The following NFAT5 variants were observed in gnomAD, a reference collection of about 807,000 sequenced individuals.
NFAT5 encodes nuclear factor of activated T-cells 5.
Under a neutral mutation model 166.5 loss-of-function variants are expected in NFAT5, and 31 were observed. That is an observed-to-expected ratio of 0.19 (90% CI 0.14 to 0.25). The LOEUF (loss-of-function observed/expected upper bound fraction) is 0.25, where lower values mean the gene tolerates loss of function less well. Among genes scored for constraint, NFAT5 ranks in the 10% least tolerant of loss-of-function variants. The probability of loss-of-function intolerance (pLI) is 1.00; values close to 1 mark genes in which losing one functional copy is unlikely to be tolerated. For missense variants in NFAT5, 1,449 were observed against 1,821.8 expected (o/e 0.80, Z 3.72); for synonymous variants, 612 against 639.7 (o/e 0.96, Z 0.65).
At chr16:69,599,881 T>C (rs913777090) in intron 2 of NFAT5, among the ~76,000 whole-genome samples, 2 of 152,072 alleles carry the variant, frequency 1.3e-5, no homozygotes, top group African/African-American at 4.8e-5. Flanking sequence ...GAGAGAGATA[T>C]TAAGGTGCTA....
At chr16:69,694,308 G>C in intron 13 of NFAT5, 69 bp downstream of exon 13, 5 of 1,244,254 alleles carry the variant, frequency 4.0e-6, no homozygotes, top group Non-Finnish European at 5.6e-6. Context: ...GAGTGCAGTG[G>C]TGCGATCTCA....
chr16:69,572,837 T>G (rs1311587612), intron 2 of NFAT5, among the ~76,000 whole-genome samples: 3 of 152,004 alleles, frequency 2.0e-5, no homozygotes, highest in African/African-American at 7.2e-5. Flanking sequence ...ATCTTTGTTA[T>G]TTATTTATTT....
At chr16:69,656,346 G>A (rs1322041115) in intron 6 of NFAT5, among the ~76,000 whole-genome samples, 3 of 150,752 alleles carry the variant, frequency 2.0e-5, no homozygotes, top group African/African-American at 7.3e-5. Flanking sequence ...CAAGTGGAAA[G>A]CTGGCCAAAG....
rs113425543 is a variant in NFAT5 at position 69,597,893 on chromosome 16, G to A, written c.128-28510G>A. 2.4e-3 allele frequency among the ~76,000 whole-genome samples: 363 copies of A among 151,700 alleles called. 2 individuals are homozygous for A. Among genetic ancestry groups the A allele is most frequent in the Non-Finnish European group, 4.0e-3 (269 of 67,838 alleles). ...CAGGCGTGAGCCACCACGCCCAGCC[G>A]GACCTAGTGTGAATAGAGGGTAGAT... On this transcript the variant is annotated intron_variant, in intron 2 of 14. Coordinates refer to ENST00000349945, the MANE Select transcript of NFAT5 (RefSeq NM_138713.4).
chr16:69,691,926 A>T lies in NFAT5; in HGVS notation c.2101A>T (p.Ile701Phe), dbSNP rs768765670. The T allele has an allele frequency of 6.2e-7, 1 of 1,614,208 alleles. No individual in the cohort carries two copies. Among genetic ancestry groups the T allele is most frequent in the Non-Finnish European group, 8.5e-7 (1 of 1,180,040 alleles). The part of the protein sequence containing the change: ...ETLTTIQTQD[I>F]SQPGTFPAVS... The stretch of plus-strand genomic sequence containing the variant: ...CCTGACAACTATTCAAACCCAGGAC[A>T]TCTCACAGCCTGGTACTTTTCCAGC... Residue 701 changes from isoleucine to phenylalanine, a missense_variant, in exon 13 of 15, where the codon ATC becomes TTC. Physicochemically the swap from Ile to Phe is conservative, Grantham distance 21. This residue lies in a region of NFAT5 where 891 missense variants were observed against 993.0 expected (regional missense o/e 0.90). Transcript: ENST00000349945.
At chr16:69,625,281 A>T (rs975572084) in intron 2 of NFAT5, among the ~76,000 whole-genome samples, 1 of 152,050 alleles carries the variant, frequency 6.6e-6, no homozygotes, top group Middle Eastern at 3.4e-3. Context: ...TCTGTTAAAA[A>T]CCTATACAAT....
At chr16:69,576,891 G>A (rs1333185119) in intron 2 of NFAT5, among the ~76,000 whole-genome samples, 4 of 152,222 alleles carry the variant, frequency 2.6e-5, no homozygotes, top group African/African-American at 9.7e-5. Flanking sequence ...AATTACTTTA[G>A]AAATGAAGGT....
chr16:69,595,691 T>C (rs2032752574), intron 2 of NFAT5, among the ~76,000 whole-genome samples: 1 of 152,200 alleles, frequency 6.6e-6, no homozygotes, highest in South Asian at 2.1e-4. Flanking sequence ...TACGATTTTT[T>C]CTTTCCTTAT....
intron 9 of NFAT5, among the ~76,000 whole-genome samples, chr16:69,675,670 G>A (rs1237781707): frequency 6.6e-6 from 1 of 151,832 alleles, no homozygotes; most frequent in Non-Finnish European, 1.5e-5. Context: ...ACAGAGTTAC[G>A]CTCTTGTTGC....
rs545027735 is a variant in NFAT5 at position 69,677,088 on chromosome 16, C to CT, written c.1558-105dup. 5,248 of 903,516 alleles carry CT rather than the reference C, an allele frequency of 5.8e-3. 1 individual carries two copies. The highest frequency in any genetic ancestry group is 6.5e-3 in the Non-Finnish European group (4,098 of 625,960). 56.0% of individuals were successfully genotyped at this position (903,516 alleles called of 1,614,324 possible). A position where few individuals can be genotyped will look rare whatever the true frequency, so the allele number is the denominator to read the frequency against. On this transcript the variant is annotated intron_variant, in intron 9 of 14. Coordinates refer to ENST00000349945, the MANE Select transcript of NFAT5 (RefSeq NM_138713.4). ...GTGAACCTGAGCTTTAAAATGCATT[C>CT]TTTTTTTTTTAATCACTTTTTAAAC... is the stretch of plus-strand genomic sequence containing the variant.
Position 69,703,915 on chromosome 16 carries a change from TTCTC to T in NFAT5, c.*7570_*7573del, listed in dbSNP as rs1286496624. The T allele has an allele frequency of 6.6e-6, 1 of 152,564 alleles. No homozygotes were observed. The highest frequency in any genetic ancestry group is 1.5e-5 in the Non-Finnish European group (1 of 68,030). The allele number at this position is 152,564 out of a possible 1,614,324, so 9.5% of individuals were successfully genotyped here. ...TATTCTCCCTCCCTCTCCCCTTCCT[TTCTC>T]TCTCTTCCAGAAGTCATTTGCCTGG... is the stretch of plus-strand genomic sequence containing the variant. On this transcript the variant is annotated 3_prime_UTR_variant, in exon 15 of 15. Coordinates refer to ENST00000349945, the MANE Select transcript of NFAT5 (RefSeq NM_138713.4).
intron 2 of NFAT5, among the ~76,000 whole-genome samples, chr16:69,616,335 C>A (rs2151564539): frequency 6.6e-6 from 1 of 152,102 alleles, no homozygotes; most frequent in Non-Finnish European, 1.5e-5. Flanking sequence ...CTTAGGCAAT[C>A]CTTCTATGTG....
At chr16:69,605,630 G>A (rs940537938) in intron 2 of NFAT5, among the ~76,000 whole-genome samples, 2 of 151,950 alleles carry the variant, frequency 1.3e-5, no homozygotes, top group Admixed American at 1.3e-4. Context: ...CAGTTTCTGT[G>A]CCCTAGTTTT....
In NFAT5 at chr16:69,694,051, A is replaced by G; in HGVS notation, c.4226A>G (p.Gln1409Arg). 3 of 1,614,144 alleles carry G rather than the reference A, an allele frequency of 1.9e-6. No individual in the cohort carries two copies. The highest frequency in any genetic ancestry group is 2.5e-6 in the Non-Finnish European group (3 of 1,180,026). The stretch of plus-strand genomic sequence containing the variant: ...GCCTTGCAGACCAGTATAAATCAAC[A>G]AGATATGCAACAGTCTCCTCTTTAT... ...MSALQTSINQQDMQQSPLYSP... is the reference protein window; with the variant it reads ...MSALQTSINQRDMQQSPLYSP... Residue 1409 changes from glutamine (Q) to arginine (R), a missense_variant, in exon 13 of 15, where the codon CAA becomes CGA. By Grantham distance (43) the Gln-to-Arg change is conservative (BLOSUM62 1). Transcript: ENST00000349945.
rs1190578117 is a variant in NFAT5, at chr16:69,691,145, T to C, written c.1923+57T>C. 4.3e-6 allele frequency: 6 copies of C among 1,382,044 alleles called. No individual in the cohort carries two copies. The East Asian group carries it at 1.5e-4, about 35-fold the overall frequency. 85.6% of individuals were successfully genotyped at this position (1,382,044 alleles called of 1,614,324 possible). A position where few individuals can be genotyped will look rare whatever the true frequency, so the allele number is the denominator to read the frequency against. Reference sequence around the variant, plus strand: ...TATATAAAAATTGCTGTCTTTTACTTTTCCTATTTTTTTAACATTATTTTT... The same window carrying C: ...TATATAAAAATTGCTGTCTTTTACTCTTCCTATTTTTTTAACATTATTTTT... On this transcript the variant is annotated intron_variant, in intron 12 of 14. Coordinates refer to ENST00000349945, the MANE Select transcript of NFAT5 (RefSeq NM_138713.4).
Position 69,693,594 on chromosome 16 carries a change from G to A in NFAT5, c.3769G>A (p.Val1257Ile), listed in dbSNP as rs1378468301. 2.5e-6 allele frequency: 4 copies of A among 1,614,026 alleles called. No individual in the cohort carries two copies. The African/African-American group carries it at 4.0e-5, about 16-fold the overall frequency. ...GTMFQSQHSI[V>I]AMQSNSPSQE... is the part of the protein sequence containing the mutation. ...CATGTTCCAGTCACAGCACTCAATA[G>A]TTGCCATGCAGAGTAACTCTCCATC... The change falls in exon 13 of 15, where the codon GTT becomes ATT. Residue 1257 changes from valine (V) to isoleucine (I), a missense_variant. Coordinates refer to ENST00000349945, the MANE Select transcript of NFAT5 (RefSeq NM_138713.4).
intron 2 of NFAT5, among the ~76,000 whole-genome samples, chr16:69,574,885 T>C (rs2016650749): frequency 6.6e-6 from 1 of 152,072 alleles, no homozygotes; most frequent in Non-Finnish European, 1.5e-5. Context: ...TTGGCCAGGA[T>C]GGTCTCGAAC....
intron 11 of NFAT5, among the ~76,000 whole-genome samples, chr16:69,690,341 G>A (rs1245691610): frequency 6.6e-6 from 1 of 151,882 alleles, no homozygotes; most frequent in Non-Finnish European, 1.5e-5. Context: ...GATGTTTAAA[G>A]TCCAGTCTAA....
In NFAT5 at chr16:69,566,752, G is replaced by C. The variant is rs1050714956; in HGVS notation, c.73+378G>C. Among the ~76,000 whole-genome samples, 21 of 152,260 alleles carry C rather than the reference G, an allele frequency of 1.4e-4. No individual in the cohort carries two copies. In the East Asian group the frequency reaches 4.1e-3, roughly 30 times the overall value. On this transcript the variant is annotated intron_variant, in intron 1 of 14. Transcript: ENST00000349945. This position sits in a 1 kb window ranked among gnomAD's most constrained non-coding sequence, Gnocchi z 5.7. ...CTGGGCCCCGCGCTGGGGCCACCGC[G>C]ATCGGGGCGCCGCGTCTTCTCTTAC...
Sources: gnomAD v4.1 joint callset for allele counts (sites outside exome capture counted in the v4.1 genomes callset) on GRCh38, gnomAD v4.1.1 for gene constraint, gnomAD v4.1.1 regional missense constraint, Gnocchi (gnomAD v3.1) non-coding constraint, MANE v1.5 for transcripts, NCBI Gene and HGNC (gene_info 2026-07-23, HGNC 2026-07-21) for gene names.